SDR39U1: variants seen among roughly 807,000 people sequenced by gnomAD.
SDR39U1 encodes the protein short chain dehydrogenase/reductase family 39U member 1.
In SDR39U1, 29 loss-of-function variants were observed where a neutral mutation model predicts 31.7. The observed-to-expected ratio is 0.92, with a 90% CI of 0.68 to 1.25. The LOEUF is 1.25. SDR39U1 is among the 50% of genes most tolerant of loss of function. The probability of loss-of-function intolerance (pLI) is 0.00; values close to 1 mark genes in which losing one functional copy is unlikely to be tolerated. For missense variants in SDR39U1, 403 were observed against 378.4 expected, an observed-to-expected ratio of 1.06 and a Z score of -0.54; for synonymous variants, 147 against 159.0, an observed-to-expected ratio of 0.92 and a Z score of 0.57.
At chr14:24,440,521 G>T in intron 5 of SDR39U1, 29 bp from the exon 6 acceptor site, 1 of 1,580,308 alleles carries the variant, frequency 6.3e-7, no homozygotes, top group Non-Finnish European at 8.6e-7. Context: ...AAGGTACAGG[G>T]GTCCTCTCAG....
Position 24,442,251 on chromosome 14 carries a change from C to T in SDR39U1, c.133G>A (p.Ala45Thr). Residue 45 changes from alanine to threonine, a missense_variant, in exon 3 of 6, where the codon GCT (alanine) becomes ACT (threonine). Transcript: ENST00000399395. ...GPGRITWDEL[A>T]ASGLPSCDAA... ...TCGCAGCTCGGCAGCCCCGATGCAGCGAGCTCATCCTGTCGGAGAAAGCAC... is the reference window on the plus strand; with the variant it reads ...TCGCAGCTCGGCAGCCCCGATGCAGTGAGCTCATCCTGTCGGAGAAAGCAC... 2 of 1,609,692 alleles carry T rather than the reference C, an allele frequency of 1.2e-6. No individual in the cohort carries two copies. The highest frequency in any genetic ancestry group is 1.7e-6 in the Non-Finnish European group (2 of 1,178,338).
Position 24,441,714 on chromosome 14 carries a change from G to A in SDR39U1, c.288C>T (p.Ala96=). ...TQLLAKAITK[A]PQPPKAWVLV... ...AGACCCAGGCCTTGGGGGGTTGTGG[G>A]GCTTTGGTGATGGCTTTAGCCAGCA... Residue 96 remains alanine (A), a synonymous_variant, in exon 4 of 6, where the codon GCC becomes GCT. Coordinates refer to ENST00000399395, the MANE Select transcript of SDR39U1 (RefSeq NM_020195.3). 4 of 1,598,156 alleles carry A rather than the reference G, an allele frequency of 2.5e-6. No homozygotes were observed. Among genetic ancestry groups the A allele is most frequent in the Admixed American group, 1.9e-5 (1 of 53,996 alleles).
chr14:24,442,302 C>A, intron 2 of SDR39U1, 42 bp from the exon 3 acceptor site: 4 of 1,580,860 alleles, frequency 2.5e-6, no homozygotes, highest in Non-Finnish European at 3.4e-6. Flanking sequence ...CGCCCTGCGC[C>A]GCCCAACTCT....
In SDR39U1 at chr14:24,440,471, C is replaced by T; in HGVS notation, c.494G>A (p.Gly165Asp). 6.2e-7 allele frequency: 1 copy of T among 1,607,248 alleles called. No individual in the cohort carries two copies. Among genetic ancestry groups the T allele is most frequent in the African/African-American group, 1.3e-5 (1 of 74,928 alleles). The change falls in exon 6 of 6, where the codon GGT (glycine) becomes GAT (aspartate). Residue 165 changes from glycine to aspartate, a missense_variant. By Grantham distance (94) the Gly-to-Asp change is moderately conservative (BLOSUM62 -1). Transcript: ENST00000399395. The part of the protein sequence containing the change: ...VRSGVVLGRG[G>D]GAMGHMLLPF... ...CAGCAGCATGTGGCCCATGGCACCA[C>T]CCCCACGGCCCAGCACAACCCCTAG...
Position 24,442,593 on chromosome 14 carries a change from A to T in SDR39U1, c.17-141T>A, listed in dbSNP as rs759460476. ...ACTTATCCCCCTCCTCGCGATGCAG[A>T]GGTGACACAGGTCACAGGGATTAGG... On this transcript the variant is annotated intron_variant, in intron 1 of 5. Coordinates refer to ENST00000399395, the MANE Select transcript of SDR39U1 (RefSeq NM_020195.3). 9.1e-6 allele frequency: 11 copies of T among 1,211,444 alleles called. No homozygotes were observed. In the African/African-American group the frequency reaches 1.6e-4, roughly 18 times the overall value. The allele number at this position is 1,211,444 out of a possible 1,614,324, so 75.0% of individuals were successfully genotyped here. A position where few individuals can be genotyped will look rare whatever the true frequency, so the allele number is the denominator to read the frequency against.
At chr14:24,441,635 C>A (rs1325221248) in intron 4 of SDR39U1, 39 bp downstream of exon 4, 4 of 1,539,220 alleles carry the variant, frequency 2.6e-6, no homozygotes, top group Non-Finnish European at 1.8e-6. Context: ...ACCCCGTTCC[C>A]CTGGCGAATA....
In SDR39U1 at chr14:24,442,433, A is replaced by T; in HGVS notation, c.36T>A (p.Ile12=). ...RVLVGGGTGF[I]GTALTQLLNA... is the part of the protein sequence containing the mutation. ...TCAGCAGCTGGGTTAGGGCTGTCCC[A>T]ATGAAGCCTGTCCCGCCACCTGATC... The change falls in exon 2 of 6, where the codon ATT becomes ATA. Residue 12 remains isoleucine, a synonymous_variant. Coordinates refer to ENST00000399395, the MANE Select transcript of SDR39U1 (RefSeq NM_020195.3). 1 of 1,608,044 alleles carries T rather than the reference A, an allele frequency of 6.2e-7. No homozygotes were observed. Among genetic ancestry groups the T allele is most frequent in the South Asian group, 1.1e-5 (1 of 90,034 alleles).
chr14:24,441,784 G>A lies in SDR39U1; in HGVS notation c.218C>T (p.Thr73Ile). 1.2e-6 allele frequency: 2 copies of A among 1,605,868 alleles called. No individual in the cohort carries two copies. Among genetic ancestry groups the A allele is most frequent in the Non-Finnish European group, 1.7e-6 (2 of 1,177,222 alleles). Residue 73 changes from threonine (T) to isoleucine (I), a missense_variant, in exon 4 of 6, where the codon ACC becomes ATC. Coordinates refer to ENST00000399395, the MANE Select transcript of SDR39U1 (RefSeq NM_020195.3). ...GCTGCCGATTACCTCTTTTTGGAAG[G>A]TTTCATTCCATCTGCAGGAGAAACA... Reference protein sequence around the residue: ...ILNPLRRWNETFQKEVIGSRL... With the variant: ...ILNPLRRWNEIFQKEVIGSRL...
intron 4 of SDR39U1, 42 bp downstream of exon 4, chr14:24,441,632 T>A: frequency 6.5e-7 from 1 of 1,529,688 alleles, no homozygotes. Context: ...GTTACCCCGT[T>A]CCCCTGGCGA....
chr14:24,439,967 T>G lies in SDR39U1; in HGVS notation c.*116A>C, dbSNP rs550906888. 2.6e-6 allele frequency: 2 copies of G among 781,670 alleles called. No homozygotes were observed. The highest frequency in any genetic ancestry group is 5.4e-5 in the East Asian group (2 of 37,004). The allele number at this position is 781,670 out of a possible 1,614,324, so 48.4% of individuals were successfully genotyped here. On this transcript the variant is annotated 3_prime_UTR_variant, in exon 6 of 6. Coordinates refer to ENST00000399395, the MANE Select transcript of SDR39U1 (RefSeq NM_020195.3). ...GCAACAGAACAATGGGAAAGAGGAC[T>G]GGGAGAGGAATCTAAGAACCAGATG...
rs546834265 is a variant in SDR39U1 at position 24,440,418 on chromosome 14, T to C, written c.547A>G (p.Ile183Val). Residue 183 changes from isoleucine to valine, a missense_variant, in exon 6 of 6, where the codon ATC becomes GTC. Transcript: ENST00000399395. ...GGGAAGAATTGGTGGCCTGAGCCGATGGGGCCCCCCAGGCCCAGGCGAAAG... is the reference window on the plus strand; with the variant it reads ...GGGAAGAATTGGTGGCCTGAGCCGACGGGGCCCCCCAGGCCCAGGCGAAAG... ...LPFRLGLGGP[I>V]GSGHQFFPWI... The C allele has an allele frequency of 3.7e-6, 6 of 1,613,404 alleles. No individual in the cohort carries two copies. Among genetic ancestry groups the C allele is most frequent in the South Asian group, 1.1e-5 (1 of 90,974 alleles).
rs767962890 is a variant in SDR39U1 at position 24,441,031 on chromosome 14, C to T, written c.329-105G>A. The T allele has an allele frequency of 1.2e-5, 15 of 1,250,632 alleles. No homozygotes were observed. The East Asian group carries it at 2.9e-4, about 24-fold the overall frequency. The allele number at this position is 1,250,632 out of a possible 1,614,324, so 77.5% of individuals were successfully genotyped here. ...CACCTTCTCTGGCCCTTAGGATCTC[C>T]CCATTTGGAGACAGAGCCATTTGGA... On this transcript the variant is annotated intron_variant, in intron 4 of 5. Transcript: ENST00000399395.
chr14:24,441,290 C>T (rs1299006542), intron 4 of SDR39U1: 3 of 446,940 alleles, frequency 6.7e-6, no homozygotes, highest in South Asian at 2.2e-5. Flanking sequence ...ATAGTACCTA[C>T]CTCATAGGGT....
In SDR39U1 at chr14:24,439,902, C is replaced by A; in HGVS notation, c.*181G>T. On this transcript the variant is annotated 3_prime_UTR_variant, in exon 6 of 6. Transcript: ENST00000399395. ...ACAAGGAGTTGAAAAGATTAATGTC[C>A]CAACCTGATGAGATTACGGCCTTGA... 3 of 571,172 alleles carry A rather than the reference C, an allele frequency of 5.3e-6. No homozygotes were observed. The highest frequency in any genetic ancestry group is 3.3e-5 in the Admixed American group (1 of 30,092). The allele number at this position is 571,172 out of a possible 1,614,324, so 35.4% of individuals were successfully genotyped here.
In SDR39U1 at chr14:24,441,673, C is replaced by T. The variant is rs1192960289; in HGVS notation, c.328+1G>A. 1.3e-6 allele frequency: 2 copies of T among 1,581,964 alleles called. No individual in the cohort carries two copies. The highest frequency in any genetic ancestry group is 1.7e-6 in the Non-Finnish European group (2 of 1,170,650). The stretch of plus-strand genomic sequence containing the variant: ...AGGGGCTGGTGATTTGGGGGGCGTA[C>T]CTACACCTGTGACTAAGACCCAGGC... On this transcript the variant is annotated splice_donor_variant, in intron 4 of 5. Transcript: ENST00000399395. LOFTEE classifies it high-confidence loss of function.
At chr14:24,442,013 T>TG in intron 3 of SDR39U1, 165 bp downstream of exon 3, 1 of 1,484,418 alleles carries the variant, frequency 6.7e-7, no homozygotes, top group Non-Finnish European at 9.1e-7. Flanking sequence ...GCTGACTGGG[T>TG]GGAGGAGCAG....
chr14:24,441,228 C>T, intron 4 of SDR39U1: 1 of 494,244 alleles, frequency 2.0e-6, no homozygotes, highest in South Asian at 2.1e-5. Flanking sequence ...TGACTTGATG[C>T]AAGTTACTTA....
In SDR39U1 at chr14:24,440,797, A is replaced by G. The variant is rs764653649; in HGVS notation, c.458T>C (p.Val153Ala). 5 of 1,613,774 alleles carry G rather than the reference A, an allele frequency of 3.1e-6. No individual in the cohort carries two copies. The Admixed American group carries it at 8.3e-5, about 27-fold the overall frequency. The part of the protein sequence containing the change: ...ARLPGDSTRQ[V>A]VVRSGVVLGR... ...CCGTTTCTCACCTGAGCGCACCACC[A>G]CCTGGCGTGTAGAATCTCCAGGAAG... Residue 153 changes from valine (V) to alanine (A), a missense_variant, in exon 5 of 6, where the codon GTG (valine) becomes GCG (alanine). By Grantham distance (64) the Val-to-Ala change is moderately conservative (BLOSUM62 0). Transcript: ENST00000399395.
chr14:24,440,147 A>G lies in SDR39U1; in HGVS notation c.818T>C (p.Leu273Pro). The G allele has an allele frequency of 6.2e-7, 1 of 1,613,566 alleles. No individual in the cohort carries two copies. Reference sequence around the variant, plus strand: ...GAAGGAATACTGGTAGCCAGTGGCCAGTGTTCGCTGTGGGATCACCTTCTG... The same window carrying G: ...GAAGGAATACTGGTAGCCAGTGGCCGGTGTTCGCTGTGGGATCACCTTCTG... ...EGQKVIPQRT[L>P]ATGYQYSFPE... The change falls in exon 6 of 6, where the codon CTG becomes CCG. Residue 273 changes from leucine (L) to proline (P), a missense_variant. Coordinates refer to ENST00000399395, the MANE Select transcript of SDR39U1 (RefSeq NM_020195.3).
Sources: gnomAD v4.1 joint callset for allele counts on GRCh38, gnomAD v4.1.1 for gene constraint, MANE v1.5 for transcripts, NCBI Gene and HGNC (gene_info 2026-07-23, HGNC 2026-07-21) for gene names.